Variants in CACHD1 observed in about 807,000 individuals in gnomAD.
The protein encoded by CACHD1 is cache domain containing 1, also known as VWFA and cache domain-containing protein 1.
CACHD1 carries 71 observed loss-of-function variants against 138.7 expected under a neutral mutation model. The ratio of observed to expected loss-of-function variants is 0.51; its 90% CI spans 0.42 to 0.62. The LOEUF is 0.62. Among genes scored for constraint, CACHD1 ranks in the 20% least tolerant of loss-of-function variants. The pLI is 0.00. For missense variants in CACHD1, 1,389 were observed against 1,625.3 expected (o/e 0.85, Z 2.50); for synonymous variants, 578 against 591.5 (o/e 0.98, Z 0.33).
chr1:64,521,623 G>A (rs1488341878), intron 1 of CACHD1, among the ~76,000 whole-genome samples: 1 of 152,096 alleles, frequency 6.6e-6, no homozygotes, highest in East Asian at 1.9e-4. Context: ...AATGGACATT[G>A]GATTGTTTCC....
At chr1:64,553,858 A>G (rs1040027831) in intron 2 of CACHD1, among the ~76,000 whole-genome samples, 8 of 152,216 alleles carry the variant, frequency 5.3e-5, no homozygotes, top group Admixed American at 5.2e-4. Context: ...AATTTTAAGC[A>G]TATGTTTATA....
intron 9 of CACHD1, among the ~76,000 whole-genome samples, chr1:64,650,776 G>A (rs1649062588): frequency 6.6e-6 from 1 of 152,188 alleles, no homozygotes; most frequent in Non-Finnish European, 1.5e-5. Flanking sequence ...TAGGCTGATA[G>A]ACATCAAGCG....
chr1:64,581,179 A>C (rs1013384471), intron 2 of CACHD1, among the ~76,000 whole-genome samples: 2 of 152,196 alleles, frequency 1.3e-5, no homozygotes, highest in African/African-American at 4.8e-5. Context: ...AACAAAATCA[A>C]GATTTAAAAT....
At chr1:64,656,085 T>C (rs1350329873) in intron 12 of CACHD1, among the ~76,000 whole-genome samples, 2 of 152,238 alleles carry the variant, frequency 1.3e-5, no homozygotes, top group African/African-American at 4.8e-5. Context: ...AAGATAGGAA[T>C]TGGGAGTAGC....
intron 1 of CACHD1, among the ~76,000 whole-genome samples, chr1:64,476,388 T>A (rs1157661866): frequency 6.6e-6 from 1 of 152,240 alleles, no homozygotes; most frequent in Non-Finnish European, 1.5e-5. Flanking sequence ...ATGTGTAATT[T>A]CCTCTAAATC....
chr1:64,594,873 G>T (rs1468642391), intron 3 of CACHD1, among the ~76,000 whole-genome samples: 4 of 152,140 alleles, frequency 2.6e-5, no homozygotes, highest in Non-Finnish European at 5.9e-5. Context: ...TTCAAAGAAG[G>T]CCCAGATTTA....
chr1:64,594,119 T>G (rs1166350608), intron 3 of CACHD1, among the ~76,000 whole-genome samples: 1 of 151,732 alleles, frequency 6.6e-6, no homozygotes, highest in African/African-American at 2.4e-5. Flanking sequence ...CTGCGCATGA[T>G]GGTGGGCGCC....
intron 24 of CACHD1, among the ~76,000 whole-genome samples, chr1:64,680,407 G>A (rs527559695): frequency 2.5e-4 from 38 of 151,840 alleles, no homozygotes; most frequent in Non-Finnish European, 2.1e-4. Context: ...AGAATCGCTT[G>A]AACCCAGGAG....
At chr1:64,577,680 G>A (rs768107474) in intron 2 of CACHD1, among the ~76,000 whole-genome samples, 1 of 152,176 alleles carries the variant, frequency 6.6e-6, no homozygotes, top group Non-Finnish European at 1.5e-5. Context: ...GCCTAAAATT[G>A]TGACTTGTAC....
At chr1:64,609,139 A>G (rs943792324) in intron 4 of CACHD1, among the ~76,000 whole-genome samples, 3 of 152,162 alleles carry the variant, frequency 2.0e-5, no homozygotes, top group African/African-American at 4.8e-5. Flanking sequence ...ATTTCCTTCT[A>G]TGAATGATAA....
intron 8 of CACHD1, among the ~76,000 whole-genome samples, chr1:64,644,669 C>T (rs1648845788): frequency 6.6e-6 from 1 of 152,238 alleles, no homozygotes; most frequent in South Asian, 2.1e-4. Flanking sequence ...ATCCTCACTG[C>T]CAGTTTTCTC....
At chr1:64,628,648 G>A (rs1002704357) in intron 4 of CACHD1, among the ~76,000 whole-genome samples, 1 of 152,146 alleles carries the variant, frequency 6.6e-6, no homozygotes, top group Non-Finnish European at 1.5e-5. Context: ...AAGGAACACA[G>A]GAGTCAGGGC....
Position 64,647,956 on chromosome 1 carries a change from A to G in CACHD1, c.1312A>G (p.Arg438Gly), listed in dbSNP as rs772798177. ...GAGCAACCTGGAGACCACAGTGGGC[A>G]GGTTCTACACAAACCTTCCCAACCG... The part of the protein sequence containing the change: ...QLSNLETTVG[R>G]FYTNLPNRMI... Residue 438 changes from arginine to glycine, a missense_variant, in exon 9 of 27, where the codon AGG (arginine) becomes GGG (glycine). Physicochemically the swap from Arg to Gly is moderately radical, Grantham distance 125. Around this residue, in one of 5 missense-constraint regions of CACHD1, gnomAD observed 1,000 missense variants for 1,114.7 expected, o/e 0.90. Transcript: ENST00000651257. 5.0e-6 allele frequency: 8 copies of G among 1,614,004 alleles called. No homozygotes were observed. The highest frequency in any genetic ancestry group is 6.8e-6 in the Non-Finnish European group (8 of 1,180,008).
At chr1:64,562,469 G>T (rs1646848580) in intron 2 of CACHD1, among the ~76,000 whole-genome samples, 1 of 149,740 alleles carries the variant, frequency 6.7e-6, no homozygotes, top group Non-Finnish European at 1.5e-5. Flanking sequence ...GAGTGCAGTG[G>T]CATGATCTCA....
chr1:64,608,794 A>G (rs1408696808), intron 4 of CACHD1, among the ~76,000 whole-genome samples: 1 of 151,594 alleles, frequency 6.6e-6, no homozygotes, highest in Admixed American at 6.6e-5. Flanking sequence ...CTGCTGAGCT[A>G]TTTTCTTGTG....
At chr1:64,471,526 G>T (rs577472612) in intron 1 of CACHD1, among the ~76,000 whole-genome samples, 225 of 152,304 alleles carry the variant, frequency 1.5e-3, no homozygotes, top group African/African-American at 5.0e-3. Flanking sequence ...GCGGCCCTCC[G>T]AGTGGGCTCC....
chr1:64,475,587 C>T (rs911041455), intron 1 of CACHD1, among the ~76,000 whole-genome samples: 1 of 152,094 alleles, frequency 6.6e-6, no homozygotes, highest in Non-Finnish European at 1.5e-5. Flanking sequence ...TGCTCAGTCA[C>T]CCAGGCTGGA....
intron 13 of CACHD1, among the ~76,000 whole-genome samples, chr1:64,659,986 G>A (rs1649389498): frequency 6.6e-6 from 1 of 152,086 alleles, no homozygotes; most frequent in Admixed American, 6.6e-5. Flanking sequence ...GTCTCTTCTG[G>A]GATACCTCCC....
chr1:64,558,648 G>A (rs1012545619), intron 2 of CACHD1, among the ~76,000 whole-genome samples: 10 of 152,044 alleles, frequency 6.6e-5, no homozygotes, highest in African/African-American at 9.7e-5. Flanking sequence ...ATTGACAAAC[G>A]GGATCTAATT....
Sources: gnomAD v4.1 joint callset for allele counts (sites outside exome capture counted in the v4.1 genomes callset) on GRCh38, gnomAD v4.1.1 for gene constraint, gnomAD v4.1.1 regional missense constraint, MANE v1.5 for transcripts, NCBI Gene and HGNC (gene_info 2026-07-23, HGNC 2026-07-21) for gene names.